Variants in ADAD1 observed in about 807,000 individuals in gnomAD.
ADAD1 encodes adenosine deaminase domain containing 1.
Under a neutral mutation model 66.8 loss-of-function variants are expected in ADAD1, and 46 were observed. That is an observed-to-expected ratio of 0.69 (90% CI 0.54 to 0.88). The LOEUF (loss-of-function observed/expected upper bound fraction) is 0.88, where lower values mean the gene tolerates loss of function less well. Among genes scored for constraint, ADAD1 ranks in the 40% least tolerant of loss-of-function variants. The pLI is 0.00. For missense variants in ADAD1, 617 were observed against 681.8 expected (o/e 0.91, Z 1.06); for synonymous variants, 248 against 229.4 (o/e 1.08, Z -0.73).
chr4:122,386,559 T>G (rs1795182325), intron 5 of ADAD1, among the ~76,000 whole-genome samples: 1 of 152,210 alleles, frequency 6.6e-6, no homozygotes, highest in African/African-American at 2.4e-5. Flanking sequence ...ATTTGTCAAT[T>G]TTGGCTTTTG....
intron 12 of ADAD1, among the ~76,000 whole-genome samples, chr4:122,422,194 A>G (rs1797032248): frequency 7.1e-6 from 1 of 141,294 alleles, no homozygotes; most frequent in African/African-American, 2.7e-5. Flanking sequence ...GCACGATCTC[A>G]GCTCACTGCA....
In ADAD1 at chr4:122,422,308, A is replaced by G. The variant is rs570162458; in HGVS notation, c.1617+918A>G. On this transcript the variant is annotated intron_variant, in intron 12 of 12. Transcript: ENST00000296513. ...CTGGGCTAATTTTTGTACTTTCAGT[A>G]GAGACGGGGTTTCGCCATGTTGGCC... Among the ~76,000 whole-genome samples the G allele has an allele frequency of 8.5e-5, 13 of 152,216 alleles. 1 individual carries two copies. In the East Asian group the frequency reaches 2.3e-3, roughly 27 times the overall value.
chr4:122,389,404 T>C (rs1478395402), intron 5 of ADAD1, among the ~76,000 whole-genome samples: 1 of 152,172 alleles, frequency 6.6e-6, no homozygotes, highest in Non-Finnish European at 1.5e-5. Flanking sequence ...GTTCAAATCC[T>C]GAATATGCTT....
chr4:122,408,738 C>A (rs1045624834), intron 8 of ADAD1, among the ~76,000 whole-genome samples: 1 of 151,950 alleles, frequency 6.6e-6, no homozygotes, highest in Non-Finnish European at 1.5e-5. Flanking sequence ...ATAAAATTAA[C>A]CAGGTATGGT....
At chr4:122,426,166 G>T (rs1326102533) in intron 12 of ADAD1, among the ~76,000 whole-genome samples, 1 of 151,876 alleles carries the variant, frequency 6.6e-6, no homozygotes, top group Non-Finnish European at 1.5e-5. Context: ...TTTAAAAAAG[G>T]TGGTTATCAC....
chr4:122,405,285 A>AAC (rs1373170581), intron 7 of ADAD1, among the ~76,000 whole-genome samples: 3 of 152,164 alleles, frequency 2.0e-5, no homozygotes, highest in African/African-American at 4.8e-5. Context: ...CTAAAAATAA[A>AAC]ACAAAGAAAC....
chr4:122,412,017 T>C (rs1796488734), intron 9 of ADAD1, among the ~76,000 whole-genome samples: 1 of 152,086 alleles, frequency 6.6e-6, no homozygotes. Flanking sequence ...TCAGGTAGCA[T>C]AACATTTAAA....
intron 8 of ADAD1, among the ~76,000 whole-genome samples, chr4:122,410,978 A>C (rs1205780114): frequency 6.6e-6 from 1 of 152,174 alleles, no homozygotes; most frequent in African/African-American, 2.4e-5. Flanking sequence ...TGTGAAACAA[A>C]AGTGGAGTAG....
intron 10 of ADAD1, 50 bp downstream of exon 10, chr4:122,412,859 C>A (rs757988864): frequency 1.4e-6 from 2 of 1,471,420 alleles, no homozygotes; most frequent in Non-Finnish European, 1.9e-6. Context: ...TAAGCAAATT[C>A]TCTGTATTTT....
In ADAD1 at chr4:122,393,274, T is replaced by C. The variant is rs77065185; in HGVS notation, c.530-315T>C. Among the ~76,000 whole-genome samples the C allele has an allele frequency of 2.8e-3, 424 of 152,248 alleles. 14 individuals carry two copies. The East Asian group carries it at 0.058, about 21-fold the overall frequency. ...TTAATTTAAAATGTTTTTCACAGTATTATAAATAGAAAGTTGTTTATATGT... is the reference window on the plus strand; with the variant it reads ...TTAATTTAAAATGTTTTTCACAGTACTATAAATAGAAAGTTGTTTATATGT... On this transcript the variant is annotated intron_variant, in intron 5 of 12. Transcript: ENST00000296513.
intron 7 of ADAD1, among the ~76,000 whole-genome samples, chr4:122,401,160 A>G (rs929180283): frequency 6.6e-6 from 1 of 151,988 alleles, no homozygotes; most frequent in Non-Finnish European, 1.5e-5. Context: ...CCCGCTTAGC[A>G]CCCCTTTTGC....
chr4:122,395,070 G>A (rs1274275043), intron 6 of ADAD1, among the ~76,000 whole-genome samples: 2 of 152,000 alleles, frequency 1.3e-5, no homozygotes, highest in Non-Finnish European at 2.9e-5. Flanking sequence ...ATTTATTTGA[G>A]GTGGAGTTTT....
At chr4:122,383,437 T>TA (rs1795000975) in intron 4 of ADAD1, among the ~76,000 whole-genome samples, 1 of 152,224 alleles carries the variant, frequency 6.6e-6, no homozygotes. Context: ...TGTGAGATGT[T>TA]ACGTGAAATC....
intron 12 of ADAD1, among the ~76,000 whole-genome samples, chr4:122,422,971 AAAAAAAAAG>A (rs1408797345): frequency 1.3e-5 from 2 of 150,742 alleles, no homozygotes; most frequent in East Asian, 3.9e-4. Flanking sequence ...AAAAAAAAAA[AAAAAAAAAG>A]AAGAAGAAGA....
Position 122,393,667 on chromosome 4 carries a change from T to C in ADAD1, c.598+10T>C, listed in dbSNP as rs1795561977. 1 of 1,577,124 alleles carries C rather than the reference T, an allele frequency of 6.3e-7. No individual in the cohort carries two copies. ...TCAAAAGTACATTATGGTAGGAAAG[T>C]TTTTTGTGACGTTCTTCTTTAGAAG... On this transcript the variant is annotated intron_variant, in intron 6 of 12. Transcript: ENST00000296513.
intron 7 of ADAD1, among the ~76,000 whole-genome samples, chr4:122,396,743 G>A (rs1354184023): frequency 6.6e-6 from 1 of 152,076 alleles, no homozygotes; most frequent in Non-Finnish European, 1.5e-5. Context: ...TTCTAACTAT[G>A]TTTTTATCTT....
At chr4:122,391,164 T>C (rs1795416859) in intron 5 of ADAD1, among the ~76,000 whole-genome samples, 1 of 152,122 alleles carries the variant, frequency 6.6e-6, no homozygotes, top group Non-Finnish European at 1.5e-5. Context: ...TCAGGCCCTA[T>C]TTATCTGATT....
Position 122,412,647 on chromosome 4 carries a change from G to A in ADAD1, c.1087G>A (p.Glu363Lys). 6.2e-7 allele frequency: 1 copy of A among 1,613,882 alleles called. No homozygotes were observed. Among genetic ancestry groups the A allele is most frequent in the South Asian group, 1.1e-5 (1 of 91,074 alleles). The change falls in exon 10 of 13, where the codon GAA becomes AAA. Residue 363 changes from glutamate (E) to lysine (K), a missense_variant. Transcript: ENST00000296513. ...AGAACTCTGTCTCCACGTGGCTGTT[G>A]AAGGCAAAATTTATCTGACTGTTTA... is the stretch of plus-strand genomic sequence containing the variant. Reference protein sequence around the residue: ...NEELCLHVAVEGKIYLTVYCP... With the variant: ...NEELCLHVAVKGKIYLTVYCP...
chr4:122,382,146 G>A (rs1794929456), intron 4 of ADAD1, among the ~76,000 whole-genome samples: 1 of 152,154 alleles, frequency 6.6e-6, no homozygotes, highest in Non-Finnish European at 1.5e-5. Context: ...ATCTCACACT[G>A]CTCTTGGAAA....
Sources: gnomAD v4.1 joint callset for allele counts (sites outside exome capture counted in the v4.1 genomes callset) on GRCh38, gnomAD v4.1.1 for gene constraint, MANE v1.5 for transcripts, NCBI Gene and HGNC (gene_info 2026-07-23, HGNC 2026-07-21) for gene names.